The following DCAF6 variants were observed in gnomAD, a reference collection of about 807,000 sequenced individuals.
The protein encoded by DCAF6 is DDB1- and CUL4-associated factor 6.
In DCAF6, 54 loss-of-function variants were observed where a neutral mutation model predicts 125.1. The observed-to-expected ratio is 0.43, with a 90% CI of 0.35 to 0.54. The LOEUF (loss-of-function observed/expected upper bound fraction) is 0.54. DCAF6 is among the 20% of genes least tolerant of loss of function. DCAF6 has a pLI of 0.01. For missense variants in DCAF6, 934 were observed against 1,161.7 expected, an observed-to-expected ratio of 0.80 and a Z score of 2.85; for synonymous variants, 371 against 390.4, an observed-to-expected ratio of 0.95 and a Z score of 0.58.
intron 13 of DCAF6, among the ~76,000 whole-genome samples, chr1:168,040,642 T>C (rs1379496696): frequency 6.6e-6 from 1 of 151,662 alleles, no homozygotes; most frequent in African/African-American, 2.4e-5. Flanking sequence ...ATCGTACTTA[T>C]CACGTCTTTT....
intron 2 of DCAF6, among the ~76,000 whole-genome samples, chr1:167,964,141 CCTT>C (rs199742968): frequency 6.6e-6 from 1 of 152,024 alleles, no homozygotes; most frequent in Non-Finnish European, 1.5e-5. Context: ...CTTCAGTGCT[CCTT>C]CTTTCTTTAT....
chr1:167,991,111 G>C (rs1680759191), intron 5 of DCAF6, 93 bp from the exon 6 acceptor site: 1 of 1,076,136 alleles, frequency 9.3e-7, no homozygotes, highest in South Asian at 2.1e-5. Context: ...TTCTGAGAAT[G>C]GTTATTCTAA....
At chr1:167,994,066 TTG>T (rs143371376) in intron 7 of DCAF6, among the ~76,000 whole-genome samples, 16,387 of 151,820 alleles carry the variant, frequency 0.11, 991 homozygotes, top group African/African-American at 0.16. Context: ...TTTTTGTAAT[TTG>T]TGTTATAATT....
chr1:167,997,557 A>T (rs778635475), intron 7 of DCAF6, among the ~76,000 whole-genome samples: 26 of 151,756 alleles, frequency 1.7e-4, no homozygotes, highest in Non-Finnish European at 2.8e-4. Flanking sequence ...TTTTCTATTC[A>T]TGTTACTAGG....
the DCAF6 span, among the ~76,000 whole-genome samples, chr1:167,914,423 A>T: frequency 2.0e-5 from 3 of 152,222 alleles, no homozygotes; most frequent in Non-Finnish European, 4.4e-5. Context: ...GTATCTCCAG[A>T]GCAAGCAAAC....
intron 12 of DCAF6, 60 bp from the exon 13 acceptor site, chr1:168,038,311 A>G: frequency 8.0e-7 from 1 of 1,243,768 alleles, no homozygotes; most frequent in South Asian, 1.3e-5. Context: ...AAATTTTAGG[A>G]AATGTCATCT....
intron 1 of DCAF6, among the ~76,000 whole-genome samples, chr1:167,944,856 T>G (rs1672817468): frequency 6.6e-6 from 1 of 152,208 alleles, no homozygotes; most frequent in Non-Finnish European, 1.5e-5. Context: ...GTTTTGGGTC[T>G]TACACTTAAG....
At chr1:167,980,641 T>A (rs556289317) in intron 4 of DCAF6, among the ~76,000 whole-genome samples, 2 of 152,316 alleles carry the variant, frequency 1.3e-5, no homozygotes, top group African/African-American at 4.8e-5. Context: ...TGCTTTTTTT[T>A]AATCTGCATT....
intron 2 of DCAF6, among the ~76,000 whole-genome samples, chr1:167,961,203 T>C (rs140334920): frequency 0.01 from 1,576 of 152,302 alleles, 35 homozygotes; most frequent in African/African-American, 0.034. Flanking sequence ...CCTATTACTT[T>C]GCTACAATCA....
intron 4 of DCAF6, among the ~76,000 whole-genome samples, chr1:167,984,620 ACTG>A (rs1006980789): frequency 2.2e-4 from 33 of 152,200 alleles, no homozygotes; most frequent in African/African-American, 7.0e-4. Flanking sequence ...TCATAAGTAA[ACTG>A]CTGACTTGAT....
chr1:167,883,236 C>G, the DCAF6 span, among the ~76,000 whole-genome samples: 1 of 152,210 alleles, frequency 6.6e-6, no homozygotes, highest in Admixed American at 6.5e-5. Context: ...CAGGGTTTCA[C>G]TATGTTGGCC....
chr1:167,912,770 C>A, the DCAF6 span, among the ~76,000 whole-genome samples: 2 of 152,312 alleles, frequency 1.3e-5, no homozygotes, highest in African/African-American at 2.4e-5. Flanking sequence ...GGACTAAGAA[C>A]CTTGGTGTTC....
chr1:167,936,857 C>CAACAACCCAA lies in DCAF6; in HGVS notation c.-55_-54insAACAACCCAA. 1 of 1,416,078 alleles carries CAACAACCCAA rather than the reference C, an allele frequency of 7.1e-7. No homozygotes were observed. Among genetic ancestry groups the CAACAACCCAA allele is most frequent in the Non-Finnish European group, 9.7e-7 (1 of 1,027,262 alleles). The allele number at this position is 1,416,078 out of a possible 1,614,324, so 87.7% of individuals were successfully genotyped here. The stretch of plus-strand genomic sequence containing the variant: ...GGTGTTGAAACGGGTGTCCCCTCCC[C>CAACAACCCAA]CTCCTCCCCTCCCCCACGCGGTGGT... On this transcript the variant is annotated 5_prime_UTR_variant, in exon 1 of 22. Transcript: ENST00000367840.
chr1:167,888,650 G>T, the DCAF6 span, among the ~76,000 whole-genome samples: 2 of 152,124 alleles, frequency 1.3e-5, no homozygotes, highest in Non-Finnish European at 2.9e-5. Context: ...GCCGAGGCGG[G>T]CGGATCACGA....
In DCAF6 at chr1:168,056,359, G is replaced by A. The variant is rs1343329326; in HGVS notation, c.2300+5426G>A. 4.5e-6 allele frequency: 7 copies of A among 1,562,970 alleles called. No homozygotes were observed. In the South Asian group the frequency reaches 6.7e-5, roughly 15 times the overall value. On this transcript the variant is annotated intron_variant, in intron 17 of 21. Transcript: ENST00000367840. ...GGCCTCGGCGGGCAGGGCGCGGCGGGTGACGGGACCGCGCGCAGGGTGCAG... is the reference window on the plus strand; with the variant it reads ...GGCCTCGGCGGGCAGGGCGCGGCGGATGACGGGACCGCGCGCAGGGTGCAG...
At chr1:167,942,602 A>G (rs574810707) in intron 1 of DCAF6, among the ~76,000 whole-genome samples, 1 of 152,324 alleles carries the variant, frequency 6.6e-6, no homozygotes, top group African/African-American at 2.4e-5. Context: ...CTATCTAAGA[A>G]TCTTTACCTA....
At chr1:167,970,357 G>T (rs1339085401) in intron 3 of DCAF6, among the ~76,000 whole-genome samples, 1 of 152,012 alleles carries the variant, frequency 6.6e-6, no homozygotes, top group Non-Finnish European at 1.5e-5. Flanking sequence ...TCTTTTTAAA[G>T]ATTATAATCA....
At chr1:168,074,444 T>C (rs929574054) in intron 21 of DCAF6, among the ~76,000 whole-genome samples, 1 of 152,184 alleles carries the variant, frequency 6.6e-6, no homozygotes, top group African/African-American at 2.4e-5. Flanking sequence ...AATACCCTTA[T>C]GTAATGTATC....
chr1:167,899,505 A>T, the DCAF6 span: 2 of 1,614,098 alleles, frequency 1.2e-6, no homozygotes, highest in Non-Finnish European at 1.7e-6. Context: ...TGACAGAATA[A>T]CATCATTCAT....
Sources: allele counts gnomAD v4.1 joint callset (sites outside exome capture counted in the v4.1 genomes callset), GRCh38; gene constraint gnomAD v4.1.1; transcripts MANE v1.5; gene names NCBI Gene and HGNC (gene_info 2026-07-23, HGNC 2026-07-21).